Variants in NRXN1 observed in about 807,000 individuals in gnomAD.
The protein encoded by NRXN1 is neurexin 1, also known as neurexin-1.
NRXN1 carries 39 observed loss-of-function variants against 150.9 expected under a neutral mutation model. That is an observed-to-expected ratio of 0.26 (90% confidence interval 0.20 to 0.34). The LOEUF (loss-of-function observed/expected upper bound fraction) is 0.34, where lower values mean the gene tolerates loss of function less well. Ranked by LOEUF, NRXN1 falls within the 10% of genes least tolerant of loss-of-function variation. NRXN1 has a pLI of 1.00. For synonymous variants in NRXN1, 924 were observed against 757.0 expected (o/e 1.22, Z -3.62); for missense variants, 1,815 against 1,949.9 (o/e 0.93, Z 1.30).
intron 5 of NRXN1, among the ~76,000 whole-genome samples, chr2:50,674,271 G>T (rs755205251): frequency 6.6e-6 from 1 of 152,016 alleles, no homozygotes; most frequent in African/African-American, 2.4e-5. Context: ...GCCTAAATAA[G>T]GGCATAAGAA....
At chr2:50,706,126 C>T (rs1219743279) in intron 5 of NRXN1, among the ~76,000 whole-genome samples, 1 of 152,174 alleles carries the variant, frequency 6.6e-6, no homozygotes, top group Non-Finnish European at 1.5e-5. Flanking sequence ...CTTGTTCTCT[C>T]TTGAGCTCTT....
chr2:50,287,981 T>C (rs1035241814), intron 17 of NRXN1, among the ~76,000 whole-genome samples: 1 of 152,082 alleles, frequency 6.6e-6, no homozygotes, highest in African/African-American at 2.4e-5. Flanking sequence ...CTCGAGGGCA[T>C]GTATAGACAC....
intron 5 of NRXN1, among the ~76,000 whole-genome samples, chr2:50,662,411 T>G (rs1272638126): frequency 1.3e-5 from 2 of 152,014 alleles, no homozygotes; most frequent in African/African-American, 4.8e-5. Flanking sequence ...AAAATGATGG[T>G]ATTGTCCAAA....
chr2:49,965,016 G>C (rs1372251515), intron 21 of NRXN1, among the ~76,000 whole-genome samples: 1 of 151,460 alleles, frequency 6.6e-6, no homozygotes, highest in Non-Finnish European at 1.5e-5. Flanking sequence ...GCCCCTGACA[G>C]GTGCAGGTGC....
chr2:51,021,800 T>C (rs532244301), intron 2 of NRXN1, among the ~76,000 whole-genome samples: 2 of 152,072 alleles, frequency 1.3e-5, no homozygotes, highest in African/African-American at 2.4e-5. Flanking sequence ...AAGTAAATGG[T>C]ATCTTCAATA....
At chr2:50,564,181 T>C (rs1362003039) in intron 8 of NRXN1, among the ~76,000 whole-genome samples, 1 of 152,232 alleles carries the variant, frequency 6.6e-6, no homozygotes. Flanking sequence ...AATTTCCCTC[T>C]TTATCAAATG....
At chr2:50,706,448 T>C (rs752301109) in intron 5 of NRXN1, among the ~76,000 whole-genome samples, 24 of 152,134 alleles carry the variant, frequency 1.6e-4, no homozygotes, top group African/African-American at 4.3e-4. Context: ...CCTGAGCTTA[T>C]TGATAAGGGA....
At chr2:50,595,335 T>C (rs1355081080) in intron 8 of NRXN1, among the ~76,000 whole-genome samples, 1 of 151,898 alleles carries the variant, frequency 6.6e-6, no homozygotes, top group African/African-American at 2.4e-5. Context: ...CTTGATGTTA[T>C]GCAATTTTTC....
At chr2:50,756,206 T>C (rs1192681488) in intron 5 of NRXN1, among the ~76,000 whole-genome samples, 1 of 151,746 alleles carries the variant, frequency 6.6e-6, no homozygotes, top group East Asian at 1.9e-4. Context: ...GAATGGAGGC[T>C]GTTCAAATCA....
chr2:50,001,149 G>T (rs1207995459), intron 21 of NRXN1, among the ~76,000 whole-genome samples: 1 of 152,142 alleles, frequency 6.6e-6, no homozygotes, highest in Non-Finnish European at 1.5e-5. Context: ...CACAGCCCAA[G>T]AAAGCATGGC....
In NRXN1 at chr2:50,705,250, G is replaced by C. The variant is rs570634779; in HGVS notation, c.833-81635C>G. ...TTTATTTGAATCATAATACGAATGG[G>C]CTTAACTTCCAATTCTTTATTCAAT... On this transcript the variant is annotated intron_variant, in intron 5 of 22. Coordinates refer to ENST00000401669, the MANE Select transcript of NRXN1 (RefSeq NM_001330078.2). Among the ~76,000 whole-genome samples the C allele has an allele frequency of 1.1e-4, 16 of 152,052 alleles. 1 individual carries two copies. The South Asian group carries it at 3.3e-3, about 32-fold the overall frequency.
intron 5 of NRXN1, among the ~76,000 whole-genome samples, chr2:50,693,471 T>G (rs1692356892): frequency 6.6e-6 from 1 of 152,134 alleles, no homozygotes; most frequent in African/African-American, 2.4e-5. Context: ...ACCTAGGGAC[T>G]TTTGGACTTC....
chr2:50,785,344 G>A lies in NRXN1; in HGVS notation c.832+136525C>T, dbSNP rs1704956096. On this transcript the variant is annotated intron_variant, in intron 5 of 22. Coordinates refer to ENST00000401669, the MANE Select transcript of NRXN1 (RefSeq NM_001330078.2). ...GCTCACTGCAAGCTCCGTCTCCCAA[G>A]TTCACGCCATTCTCCTGCCTCAGCC... 2.1e-5 allele frequency among the ~76,000 whole-genome samples: 3 copies of A among 145,122 alleles called. No individual in the cohort carries two copies. The South Asian group carries it at 6.5e-4, about 32-fold the overall frequency.
intron 5 of NRXN1, among the ~76,000 whole-genome samples, chr2:50,639,206 C>T (rs200955168): frequency 6.0e-5 from 6 of 99,458 alleles, no homozygotes; most frequent in East Asian, 3.5e-4. Flanking sequence ...TCATTTTTTT[C>T]TTTCTTTCTT....
At chr2:50,205,648 T>A (rs1413990887) in intron 18 of NRXN1, among the ~76,000 whole-genome samples, 1 of 152,074 alleles carries the variant, frequency 6.6e-6, no homozygotes, top group Non-Finnish European at 1.5e-5. Flanking sequence ...CAAAATCTTG[T>A]ACATGATTGC....
At chr2:50,219,126 C>G (rs2063611739) in intron 18 of NRXN1, among the ~76,000 whole-genome samples, 1 of 151,946 alleles carries the variant, frequency 6.6e-6, no homozygotes, top group Non-Finnish European at 1.5e-5. Context: ...TCATTATATT[C>G]AAACAGGCTT....
chr2:50,484,167 C>A (rs1321890993), intron 15 of NRXN1, among the ~76,000 whole-genome samples: 3 of 152,060 alleles, frequency 2.0e-5, no homozygotes, highest in African/African-American at 2.4e-5. Flanking sequence ...AAAGCACACA[C>A]AAAAAAACTT....
intron 12 of NRXN1, among the ~76,000 whole-genome samples, chr2:50,523,257 T>C (rs2092847116): frequency 6.6e-6 from 1 of 152,196 alleles, no homozygotes; most frequent in Non-Finnish European, 1.5e-5. Context: ...AGACTTCTGT[T>C]TTCTTTATTT....
At chr2:50,474,839 C>CCCAAAAAAAA (rs1558795095) in intron 15 of NRXN1, among the ~76,000 whole-genome samples, 1 of 108,850 alleles carries the variant, frequency 9.2e-6, no homozygotes, top group African/African-American at 3.6e-5. Flanking sequence ...GCCCCCCTAC[C>CCCAAAAAAAA]AAAAAAAAAA....
Sources: gnomAD v4.1 joint callset for allele counts (sites outside exome capture counted in the v4.1 genomes callset) on GRCh38, gnomAD v4.1.1 for gene constraint, MANE v1.5 for transcripts, NCBI Gene and HGNC (gene_info 2026-07-23, HGNC 2026-07-21) for gene names.